The following CCNF variants were observed in gnomAD, a reference collection of about 807,000 sequenced individuals.
CCNF encodes cyclin-F.
CCNF carries 30 observed loss-of-function variants against 85.4 expected under a neutral mutation model. The ratio of observed to expected loss-of-function variants is 0.35; its 90% CI spans 0.26 to 0.48. The LOEUF (loss-of-function observed/expected upper bound fraction) is 0.48. CCNF is among the 20% of genes least tolerant of loss of function. The pLI, the probability that CCNF is intolerant of heterozygous loss-of-function variation, is 0.99. For synonymous variants in CCNF, 439 were observed against 425.1 expected, an observed-to-expected ratio of 1.03 and a Z score of -0.40; for missense variants, 919 against 1,010.4, an observed-to-expected ratio of 0.91 and a Z score of 1.23.
intron 3 of CCNF, among the ~76,000 whole-genome samples, chr16:2,433,576 G>GT (rs1354843483): frequency 6.6e-6 from 1 of 152,038 alleles, no homozygotes; most frequent in Non-Finnish European, 1.5e-5. Flanking sequence ...GTTGTTTTTT[G>GT]TTTTTTGTTT....
chr16:2,444,571 A>G (rs1436225713), intron 9 of CCNF, among the ~76,000 whole-genome samples: 2 of 150,458 alleles, frequency 1.3e-5, no homozygotes, highest in East Asian at 2.0e-4. Context: ...AAGTGCTGGG[A>G]TTACAGGCGT....
intron 16 of CCNF, 86 bp downstream of exon 16, chr16:2,455,650 G>T: frequency 6.8e-7 from 1 of 1,468,862 alleles, no homozygotes; most frequent in East Asian, 2.4e-5. Flanking sequence ...GGCCCTGTGC[G>T]AGCGCTGTGG....
chr16:2,458,180 C>T lies in CCNF; in HGVS notation c.*1160C>T, dbSNP rs2065441159. ...TGGGAACGGGCTGACCACAACACAC[C>T]CTGCTGCCATCCACTTCTGTTTACT... On this transcript the variant is annotated 3_prime_UTR_variant, in exon 17 of 17. Coordinates refer to ENST00000397066, the MANE Select transcript of CCNF (RefSeq NM_001761.3). 6.6e-6 allele frequency: 1 copy of T among 152,440 alleles called. No homozygotes were observed. Among genetic ancestry groups the T allele is most frequent in the African/African-American group, 2.4e-5 (1 of 41,400 alleles). 9.4% of individuals were successfully genotyped at this position (152,440 alleles called of 1,614,324 possible).
rs571862675 is a variant in CCNF at position 2,438,281 on chromosome 16, G to C, written c.594+158G>C. ...GCTGGAGAAGCCAGGGGACACATGT[G>C]GGCCTGGCCACGGGCTCCGATCCTG... On this transcript the variant is annotated intron_variant, in intron 6 of 16. Coordinates refer to ENST00000397066, the MANE Select transcript of CCNF (RefSeq NM_001761.3). Among the ~76,000 whole-genome samples, 5 of 152,278 alleles carry C rather than the reference G, an allele frequency of 3.3e-5. No individual in the cohort carries two copies. In the South Asian group the frequency reaches 1.0e-3, roughly 32 times the overall value.
intron 9 of CCNF, among the ~76,000 whole-genome samples, chr16:2,444,999 T>C (rs1049537209): frequency 6.6e-6 from 1 of 151,994 alleles, no homozygotes; most frequent in African/African-American, 2.4e-5. Flanking sequence ...CAAGCCTTTC[T>C]CCTGCCTCAG....
chr16:2,450,797 C>T (rs1478505932), intron 13 of CCNF, among the ~76,000 whole-genome samples: 2 of 152,222 alleles, frequency 1.3e-5, no homozygotes, highest in Non-Finnish European at 2.9e-5. Context: ...TTTGCTCTGG[C>T]GGTGGCTGAG....
chr16:2,448,883 C>T lies in CCNF; in HGVS notation c.1123C>T (p.Arg375Trp), dbSNP rs779348473. ...RFISKEILTIREAVWLTDNTY... is the reference protein window; with the variant it reads ...RFISKEILTIWEAVWLTDNTY... ...TATCAGTAAAGAGATCCTGACCATC[C>T]GGGAGGCCGTATGGCTCACGGACAA... is the stretch of plus-strand genomic sequence containing the variant. The change falls in exon 11 of 17, where the codon CGG (arginine) becomes TGG (tryptophan). Residue 375 changes from arginine (R) to tryptophan (W), a missense_variant. Coordinates refer to ENST00000397066, the MANE Select transcript of CCNF (RefSeq NM_001761.3). 1.4e-5 allele frequency: 22 copies of T among 1,614,000 alleles called. No homozygotes were observed. Among genetic ancestry groups the T allele is most frequent in the South Asian group, 5.5e-5 (5 of 91,082 alleles).
At chr16:2,443,330 C>T (rs897278843) in intron 8 of CCNF, among the ~76,000 whole-genome samples, 13 of 151,238 alleles carry the variant, frequency 8.6e-5, no homozygotes, top group East Asian at 1.9e-4. Flanking sequence ...AGAAGCCTTT[C>T]GGAGAGCACT....
In CCNF at chr16:2,456,681, C is replaced by T. The variant is rs764553387; in HGVS notation, c.2022C>T (p.Asp674=). ...GPQDPQALAL[D]TQIPATPGPK... ...AGGACCCACAGGCACTGGCGCTGGA[C>T]ACCCAGATCCCTGCAACCCCTGGAC... The change falls in exon 17 of 17, where the codon GAC becomes GAT. Residue 674 remains aspartate, a synonymous_variant. Transcript: ENST00000397066. The surrounding 1 kb of genome is among the most constrained non-coding windows in gnomAD (Gnocchi z 4.5). 1 of 1,613,520 alleles carries T rather than the reference C, an allele frequency of 6.2e-7. No homozygotes were observed. The highest frequency in any genetic ancestry group is 2.2e-5 in the East Asian group (1 of 44,884).
intron 8 of CCNF, among the ~76,000 whole-genome samples, chr16:2,443,049 G>A (rs2065340533): frequency 9.0e-6 from 1 of 110,766 alleles, no homozygotes; most frequent in Non-Finnish European, 1.7e-5. Context: ...ATAATATTAT[G>A]TTATAATATC....
rs1020549077 is a variant in CCNF at position 2,449,242 on chromosome 16, C to T, written c.1219-40C>T. On this transcript the variant is annotated intron_variant, in intron 11 of 16. Transcript: ENST00000397066. ...GCATGCGGCACTGCACCAAGGAGCC[C>T]CCGAGCGCTGAGAGCCCACACCCCG... 5.0e-6 allele frequency: 8 copies of T among 1,608,516 alleles called. No individual in the cohort carries two copies. In the African/African-American group the frequency reaches 8.0e-5, roughly 16 times the overall value.
chr16:2,449,428 A>G lies in CCNF; in HGVS notation c.1365A>G (p.Ala455=), dbSNP rs1304190638. The change falls in exon 12 of 17, where the codon GCA becomes GCG. Residue 455 remains alanine, a synonymous_variant. Transcript: ENST00000397066. ...SAYAPARLAA[A]ALLLARLTHG... ...ACGCCCCAGCCCGCCTGGCTGCCGC[A>G]GCCCTGCTCCTGGCCAGACTGACGC... 1 of 1,608,970 alleles carries G rather than the reference A, an allele frequency of 6.2e-7. No individual in the cohort carries two copies. Among genetic ancestry groups the G allele is most frequent in the South Asian group, 1.1e-5 (1 of 91,054 alleles).
At position 2,439,521 on chromosome 16, in the gene CCNF, C is replaced by G. The variant is rs1009003874; in HGVS notation, c.699+64C>G. The G allele has an allele frequency of 3.2e-6, 4 of 1,249,218 alleles. No individual in the cohort carries two copies. The Admixed American group carries it at 5.9e-5, about 18-fold the overall frequency. The allele number at this position is 1,249,218 out of a possible 1,614,324, so 77.4% of individuals were successfully genotyped here. On this transcript the variant is annotated intron_variant, in intron 7 of 16. Coordinates refer to ENST00000397066, the MANE Select transcript of CCNF (RefSeq NM_001761.3). The stretch of plus-strand genomic sequence containing the variant: ...GGACAAAGGCGTAGTTGATGCTGGT[C>G]CTTGGATGCGTTTCTGTCCACAAAA...
At chr16:2,455,328 G>A (rs748848689) in intron 15 of CCNF, 67 bp from the exon 16 acceptor site, 1 of 1,483,484 alleles carries the variant, frequency 6.7e-7, no homozygotes, top group Non-Finnish European at 9.0e-7. Context: ...AGAGGCAGGT[G>A]TGGAGGGCCT....
intron 10 of CCNF, among the ~76,000 whole-genome samples, chr16:2,448,017 T>C (rs1249524648): frequency 6.6e-6 from 1 of 152,228 alleles, no homozygotes; most frequent in Admixed American, 6.5e-5. Context: ...GAAGGTGCCT[T>C]GCGGGGGGCC....
intron 3 of CCNF, among the ~76,000 whole-genome samples, chr16:2,433,358 T>C (rs989131698): frequency 6.6e-6 from 1 of 152,198 alleles, no homozygotes; most frequent in African/African-American, 2.4e-5. Context: ...AAGAGTCACC[T>C]TCCTGTGGAA....
intron 8 of CCNF, among the ~76,000 whole-genome samples, chr16:2,442,929 ATG>A (rs1282881743): frequency 9.2e-4 from 34 of 37,130 alleles, no homozygotes; most frequent in East Asian, 4.3e-3. Flanking sequence ...ATTAATATAT[ATG>A]ATTATTATAT....
Position 2,449,472 on chromosome 16 carries a change from G to A in CCNF, c.1399+10G>A. 1 of 1,595,970 alleles carries A rather than the reference G, an allele frequency of 6.3e-7. No homozygotes were observed. Among genetic ancestry groups the A allele is most frequent in the South Asian group, 1.1e-5 (1 of 90,654 alleles). ...CTGACGCACGGGCAGAGTAAGGAGT[G>A]GCCCTTCCCAGGGATGCCTGTGTCG... is the stretch of plus-strand genomic sequence containing the variant. On this transcript the variant is annotated intron_variant, in intron 12 of 16. Transcript: ENST00000397066.
rs561705267 is a variant in CCNF, at chr16:2,454,093, G to A, written c.1715+556G>A. On this transcript the variant is annotated intron_variant, in intron 15 of 16. Coordinates refer to ENST00000397066, the MANE Select transcript of CCNF (RefSeq NM_001761.3). The stretch of plus-strand genomic sequence containing the variant: ...GCCCTCCCTGTGCTGCTGGCCCTGC[G>A]CCGTGACCCCTCAGCACCATGTGCA... Among the ~76,000 whole-genome samples, 11 of 152,268 alleles carry A rather than the reference G, an allele frequency of 7.2e-5. No homozygotes were observed. The East Asian group carries it at 1.4e-3, about 19-fold the overall frequency.
Sources: gnomAD v4.1 joint callset for allele counts (sites outside exome capture counted in the v4.1 genomes callset) on GRCh38, gnomAD v4.1.1 for gene constraint, Gnocchi (gnomAD v3.1) non-coding constraint, MANE v1.5 for transcripts, NCBI Gene and HGNC (gene_info 2026-07-23, HGNC 2026-07-21) for gene names.